CLINT1: variants seen among roughly 807,000 people sequenced by gnomAD.
CLINT1 encodes clathrin interactor 1, also known as clathrin interacting protein localized in the trans-Golgi region.
A neutral mutation model predicts 70.4 loss-of-function variants in CLINT1; 15 were observed. The observed-to-expected ratio is 0.21, with a 90% CI of 0.14 to 0.33. The LOEUF (loss-of-function observed/expected upper bound fraction) is 0.33, where lower values mean the gene tolerates loss of function less well. Ranked by LOEUF, CLINT1 falls within the 10% of genes least tolerant of loss-of-function variation. The probability of loss-of-function intolerance (pLI) is 1.00; values close to 1 mark genes in which losing one functional copy is unlikely to be tolerated. For synonymous variants in CLINT1, 227 were observed against 254.7 expected (o/e 0.89, Z 1.04); for missense variants, 615 against 778.1 (o/e 0.79, Z 2.49).
rs1397570962 is a variant in CLINT1 at position 157,792,073 on chromosome 5, A to C, written c.1088-78T>G. 5 of 1,277,056 alleles carry C rather than the reference A, an allele frequency of 3.9e-6. No individual in the cohort carries two copies. The Admixed American group carries it at 1.1e-4, about 28-fold the overall frequency. 79.1% of individuals were successfully genotyped at this position (1,277,056 alleles called of 1,614,324 possible). ...AATGTAACAATCTATGAACTGAAACAAATTAGAGCTGATCTGAGTCCCCCA... is the reference window on the plus strand; with the variant it reads ...AATGTAACAATCTATGAACTGAAACCAATTAGAGCTGATCTGAGTCCCCCA... On this transcript the variant is annotated intron_variant, in intron 9 of 11. Coordinates refer to ENST00000411809, the MANE Select transcript of CLINT1 (RefSeq NM_014666.4).
intron 1 of CLINT1, 96 bp downstream of exon 1, chr5:157,858,834 G>T: frequency 7.6e-7 from 1 of 1,317,982 alleles, no homozygotes; most frequent in Non-Finnish European, 1.1e-6. Context: ...GAGCCAGGGG[G>T]CGTGACGTGG....
chr5:157,804,258 T>C lies in CLINT1; in HGVS notation c.943-539A>G, dbSNP rs1275467998. ...ACCTTAGCAAAACTTATTGTTTGTATATCACACAAGTTAGTATAATTCTAT... is the reference window on the plus strand; with the variant it reads ...ACCTTAGCAAAACTTATTGTTTGTACATCACACAAGTTAGTATAATTCTAT... On this transcript the variant is annotated intron_variant, in intron 7 of 11. Coordinates refer to ENST00000411809, the MANE Select transcript of CLINT1 (RefSeq NM_014666.4). Among the ~76,000 whole-genome samples the C allele has an allele frequency of 4.6e-5, 7 of 152,168 alleles. No individual in the cohort carries two copies. The East Asian group carries it at 1.3e-3, about 29-fold the overall frequency.
chr5:157,845,185 T>C (rs1166114663), intron 1 of CLINT1, among the ~76,000 whole-genome samples: 1 of 151,920 alleles, frequency 6.6e-6, no homozygotes, highest in Non-Finnish European at 1.5e-5. Flanking sequence ...TCTGTCTCTA[T>C]TAAAAATACA....
intron 1 of CLINT1, among the ~76,000 whole-genome samples, chr5:157,853,023 C>T (rs904910650): frequency 6.6e-6 from 1 of 152,192 alleles, no homozygotes; most frequent in African/African-American, 2.4e-5. Flanking sequence ...TTCATTAAAA[C>T]AAACATTGGA....
intron 1 of CLINT1, 114 bp from the exon 2 acceptor site, chr5:157,817,661 G>C: frequency 4.7e-6 from 3 of 635,160 alleles, no homozygotes; most frequent in Non-Finnish European, 8.3e-6. Flanking sequence ...ACCTCTACAG[G>C]ATGGGAGAGA....
intron 1 of CLINT1, among the ~76,000 whole-genome samples, chr5:157,851,818 A>G (rs1197531066): frequency 1.3e-5 from 2 of 152,220 alleles, no homozygotes; most frequent in Non-Finnish European, 1.5e-5. Context: ...TTCGTTAGCT[A>G]AATCTATCCA....
intron 1 of CLINT1, among the ~76,000 whole-genome samples, chr5:157,836,575 G>A (rs186236257): frequency 6.6e-6 from 1 of 152,254 alleles, no homozygotes; most frequent in Admixed American, 6.5e-5. Flanking sequence ...TTCCTCATCA[G>A]CTGCTTATGA....
At chr5:157,846,514 G>T (rs1035323031) in intron 1 of CLINT1, among the ~76,000 whole-genome samples, 4 of 152,232 alleles carry the variant, frequency 2.6e-5, no homozygotes, top group African/African-American at 9.6e-5. Flanking sequence ...TTTAAGAAAA[G>T]AAGCCGCCTC....
chr5:157,830,001 T>C (rs1187148), intron 1 of CLINT1, among the ~76,000 whole-genome samples: 20,387 of 152,178 alleles, frequency 0.13, 1,801 homozygotes, highest in African/African-American at 0.25. Flanking sequence ...CAGGCTGGAG[T>C]GCAGTGGTGC....
At chr5:157,829,508 G>C (rs923042956) in intron 1 of CLINT1, among the ~76,000 whole-genome samples, 14 of 151,962 alleles carry the variant, frequency 9.2e-5, no homozygotes, top group African/African-American at 3.4e-4. Flanking sequence ...GGTGCATTGT[G>C]AGTCTCCAAG....
rs926778065 is a variant in CLINT1, at chr5:157,859,065, C to G, written c.-95G>C. On this transcript the variant is annotated 5_prime_UTR_variant, in exon 1 of 12. Transcript: ENST00000411809. ...CGGGGCAGTTCCAGGCCGGGGTCAC[C>G]GCCGCCCGCCGCCTCGAACTCCCCC... is the stretch of plus-strand genomic sequence containing the variant. The G allele has an allele frequency of 2.2e-6, 3 of 1,388,084 alleles. No individual in the cohort carries two copies. The highest frequency in any genetic ancestry group is 3.0e-6 in the Non-Finnish European group (3 of 1,008,706). 86.0% of individuals were successfully genotyped at this position (1,388,084 alleles called of 1,614,324 possible).
chr5:157,822,500 T>C (rs1038747980), intron 1 of CLINT1, among the ~76,000 whole-genome samples: 7 of 152,204 alleles, frequency 4.6e-5, no homozygotes, highest in African/African-American at 1.4e-4. Context: ...TTCTTCCCAG[T>C]CTTGGGTATG....
chr5:157,800,572 T>C (rs1205486828), intron 8 of CLINT1, among the ~76,000 whole-genome samples: 1 of 152,158 alleles, frequency 6.6e-6, no homozygotes, highest in Non-Finnish European at 1.5e-5. Flanking sequence ...CTGCACAAAC[T>C]GGTTAAACAT....
chr5:157,826,305 T>C (rs762078276), intron 1 of CLINT1, among the ~76,000 whole-genome samples: 7 of 152,162 alleles, frequency 4.6e-5, no homozygotes, highest in Non-Finnish European at 1.0e-4. Flanking sequence ...GTCACCAAAG[T>C]CTTATTTCTC....
At chr5:157,818,875 CATTT>C (rs1352101844) in intron 1 of CLINT1, among the ~76,000 whole-genome samples, 11 of 152,118 alleles carry the variant, frequency 7.2e-5, no homozygotes, top group Admixed American at 1.3e-4. Context: ...TAGTAGTATT[CATTT>C]GACATCGAAA....
intron 1 of CLINT1, among the ~76,000 whole-genome samples, chr5:157,827,140 T>C (rs1419606641): frequency 6.6e-6 from 1 of 152,124 alleles, no homozygotes; most frequent in Admixed American, 6.6e-5. Flanking sequence ...CTTAAAATTT[T>C]TTTTCCAAAA....
rs147080350 is a variant in CLINT1 at position 157,855,648 on chromosome 5, T to C, written c.41+3282A>G. On this transcript the variant is annotated intron_variant, in intron 1 of 11. Coordinates refer to ENST00000411809, the MANE Select transcript of CLINT1 (RefSeq NM_014666.4). ...ATACCCCCACTTCCAGAAAAAGTCT[T>C]CAAGGTCTCAAAAGCCAGTGTTTGA... Among the ~76,000 whole-genome samples, 78 of 152,284 alleles carry C rather than the reference T, an allele frequency of 5.1e-4. 1 individual carries two copies. The East Asian group carries it at 0.014, about 28-fold the overall frequency.
intron 1 of CLINT1, among the ~76,000 whole-genome samples, chr5:157,822,200 A>G (rs181668411): frequency 8.4e-4 from 127 of 150,840 alleles, no homozygotes; most frequent in Admixed American, 2.8e-3. Context: ...AAGTCTCACA[A>G]GATTTGATGG....
chr5:157,792,978 T>C (rs539671905), intron 9 of CLINT1, among the ~76,000 whole-genome samples: 1 of 152,326 alleles, frequency 6.6e-6, no homozygotes, highest in African/African-American at 2.4e-5. Context: ...GAAATACATT[T>C]TGTCTAGCCT....
Sources: gnomAD v4.1 joint callset for allele counts (sites outside exome capture counted in the v4.1 genomes callset) on GRCh38, gnomAD v4.1.1 for gene constraint, MANE v1.5 for transcripts, NCBI Gene and HGNC (gene_info 2026-07-23, HGNC 2026-07-21) for gene names.